Variants in ESRRG observed in about 807,000 individuals in gnomAD.
ESRRG encodes estrogen-related receptor gamma.
ESRRG carries 13 observed loss-of-function variants against 44.0 expected under a neutral mutation model. The ratio of observed to expected loss-of-function variants is 0.30; its 90% CI spans 0.19 to 0.47. ESRRG has a LOEUF of 0.47. Ranked by LOEUF, ESRRG falls within the 20% of genes least tolerant of loss-of-function variation. The pLI is 1.00. For synonymous variants in ESRRG, 215 were observed against 214.6 expected, an observed-to-expected ratio of 1.00 and a Z score of -0.02; for missense variants, 395 against 580.6, an observed-to-expected ratio of 0.68 and a Z score of 3.29.
chr1:217,061,210 T>C (rs1304127040), intron 1 of ESRRG, among the ~76,000 whole-genome samples: 2 of 151,986 alleles, frequency 1.3e-5, no homozygotes, highest in African/African-American at 4.8e-5. Flanking sequence ...ACAGTTAGGA[T>C]AAAACAACCT....
At chr1:216,646,131 C>G (rs1258476094) in intron 3 of ESRRG, among the ~76,000 whole-genome samples, 1 of 151,912 alleles carries the variant, frequency 6.6e-6, no homozygotes, top group Non-Finnish European at 1.5e-5. Flanking sequence ...TAGTGAAAAC[C>G]TCTGCTTGGG....
intron 1 of ESRRG, among the ~76,000 whole-genome samples, chr1:217,099,893 C>T (rs1558260624): frequency 6.6e-6 from 1 of 152,038 alleles, no homozygotes; most frequent in Non-Finnish European, 1.5e-5. Flanking sequence ...TGACCAGTTC[C>T]TCTCCAAACA....
chr1:217,115,505 C>T (rs949672035), intron 1 of ESRRG, among the ~76,000 whole-genome samples: 3 of 152,090 alleles, frequency 2.0e-5, no homozygotes, highest in Admixed American at 6.5e-5. Flanking sequence ...ATGCTCATCC[C>T]CTTATTCACA....
At chr1:216,522,255 CTTTTTTTTTTTTTTTTT>C (rs71161437) in intron 5 of ESRRG, among the ~76,000 whole-genome samples, 35 of 29,292 alleles carry the variant, frequency 1.2e-3, no homozygotes, top group African/African-American at 4.6e-3. Context: ...AACAGCTCTC[CTTTTTTTTTTTTTTTTT>C]TTTTTTTTTT....
At chr1:216,782,983 T>C (rs2093988709) in intron 2 of ESRRG, among the ~76,000 whole-genome samples, 2 of 151,988 alleles carry the variant, frequency 1.3e-5, no homozygotes, top group African/African-American at 2.4e-5. Flanking sequence ...ATGCCCTCTG[T>C]TCATTATAAA....
chr1:216,643,228 T>C (rs1436326998), intron 3 of ESRRG, among the ~76,000 whole-genome samples: 1 of 152,200 alleles, frequency 6.6e-6, no homozygotes, highest in African/African-American at 2.4e-5. Flanking sequence ...TAATCTGTGC[T>C]CTCTCATATA....
chr1:216,962,438 C>T (rs1251475831), intron 1 of ESRRG, among the ~76,000 whole-genome samples: 1 of 152,136 alleles, frequency 6.6e-6, no homozygotes, highest in African/African-American at 2.4e-5. Context: ...AAACGTGTTC[C>T]CACTTGAAAG....
chr1:216,722,412 C>G (rs190422095), intron 1 of ESRRG, among the ~76,000 whole-genome samples: 398 of 127,594 alleles, frequency 3.1e-3, no homozygotes, highest in African/African-American at 0.011. Flanking sequence ...CCTACTCACT[C>G]CCCCCCCTTT....
intron 5 of ESRRG, among the ~76,000 whole-genome samples, chr1:216,529,070 G>T (rs1440112004): frequency 6.6e-6 from 1 of 152,076 alleles, no homozygotes; most frequent in Non-Finnish European, 1.5e-5. Flanking sequence ...ACATGTTTCA[G>T]GTTTATCAGA....
At chr1:216,607,368 C>T (rs1362132162) in intron 3 of ESRRG, among the ~76,000 whole-genome samples, 2 of 151,938 alleles carry the variant, frequency 1.3e-5, no homozygotes, top group East Asian at 1.9e-4. Flanking sequence ...AAGAACACTG[C>T]GGCATCAGCC....
At chr1:216,918,459 G>A (rs528443776) in intron 2 of ESRRG, among the ~76,000 whole-genome samples, 15 of 152,138 alleles carry the variant, frequency 9.9e-5, no homozygotes, top group African/African-American at 3.6e-4. Flanking sequence ...GAAACAAATT[G>A]CAAATTTTTC....
intron 2 of ESRRG, among the ~76,000 whole-genome samples, chr1:216,781,945 A>T (rs2093952983): frequency 1.3e-5 from 2 of 152,044 alleles, no homozygotes; most frequent in African/African-American, 4.8e-5. Context: ...CTGAAGGTCG[A>T]TAAGTTTCAT....
intron 1 of ESRRG, among the ~76,000 whole-genome samples, chr1:216,687,742 C>A (rs2151673491): frequency 6.6e-6 from 1 of 152,250 alleles, no homozygotes; most frequent in Middle Eastern, 3.4e-3. Context: ...GTGGCCGTGT[C>A]TTTTTACATG....
At chr1:217,037,474 C>T (rs957268434) in intron 1 of ESRRG, among the ~76,000 whole-genome samples, 1 of 152,110 alleles carries the variant, frequency 6.6e-6, no homozygotes, top group African/African-American at 2.4e-5. Flanking sequence ...GAGACCCACT[C>T]GCCGTCAGAA....
intron 2 of ESRRG, among the ~76,000 whole-genome samples, chr1:216,740,428 A>G (rs956354931): frequency 6.6e-6 from 1 of 152,162 alleles, no homozygotes; most frequent in African/African-American, 2.4e-5. Flanking sequence ...ACACACACAC[A>G]GCAAAATCAG....
chr1:216,625,288 T>G (rs2150556732), intron 3 of ESRRG, among the ~76,000 whole-genome samples: 1 of 152,152 alleles, frequency 6.6e-6, no homozygotes, highest in Admixed American at 6.5e-5. Context: ...AACTACCACA[T>G]CTATTCTAAT....
chr1:217,080,867 C>T (rs1241685862), intron 1 of ESRRG, among the ~76,000 whole-genome samples: 2 of 151,642 alleles, frequency 1.3e-5, no homozygotes, highest in East Asian at 1.9e-4. Flanking sequence ...TTAGTGGAGA[C>T]GGGGTTTCAC....
intron 2 of ESRRG, among the ~76,000 whole-genome samples, chr1:216,787,605 A>C (rs2148013541): frequency 6.7e-6 from 1 of 149,990 alleles, no homozygotes; most frequent in East Asian, 1.9e-4. Flanking sequence ...CCATCAAAAA[A>C]AAAAAAAAAA....
intron 3 of ESRRG, among the ~76,000 whole-genome samples, chr1:216,593,403 A>G (rs2057985022): frequency 6.6e-6 from 1 of 152,258 alleles, no homozygotes; most frequent in South Asian, 2.1e-4. Context: ...TTTTAAAGAC[A>G]ATAAAAAGAC....
Sources: gnomAD v4.1 joint callset for allele counts (sites outside exome capture counted in the v4.1 genomes callset) on GRCh38, gnomAD v4.1.1 for gene constraint, MANE v1.5 for transcripts, NCBI Gene and HGNC (gene_info 2026-07-23, HGNC 2026-07-21) for gene names.